ASTN1: variants seen among roughly 807,000 people sequenced by gnomAD.
ASTN1 encodes astrotactin-1.
In ASTN1, 41 loss-of-function variants were observed where a neutral mutation model predicts 140.7. The ratio of observed to expected loss-of-function variants is 0.29; its 90% confidence interval spans 0.23 to 0.38. The LOEUF is 0.38. Among genes scored for constraint, ASTN1 ranks in the 10% least tolerant of loss-of-function variants. ASTN1 has a pLI of 1.00. For synonymous variants in ASTN1, 640 were observed against 652.2 expected (o/e 0.98, Z 0.29); for missense variants, 1,479 against 1,678.8 (o/e 0.88, Z 2.08).
intron 21 of ASTN1, among the ~76,000 whole-genome samples, chr1:176,870,096 A>G (rs1668277647): frequency 6.6e-6 from 1 of 152,126 alleles, no homozygotes; most frequent in African/African-American, 2.4e-5. Flanking sequence ...TAGACTTGGC[A>G]TTTTTTTCTT....
intron 3 of ASTN1, among the ~76,000 whole-genome samples, chr1:177,031,273 T>C (rs1300012150): frequency 6.6e-6 from 1 of 152,208 alleles, no homozygotes; most frequent in Non-Finnish European, 1.5e-5. Flanking sequence ...CAGATTTCTT[T>C]ATTTTTGGTC....
chr1:176,967,568 T>C (rs541463070), intron 8 of ASTN1, among the ~76,000 whole-genome samples: 1 of 152,330 alleles, frequency 6.6e-6, no homozygotes, highest in Non-Finnish European at 1.5e-5. Flanking sequence ...ATACAATGTG[T>C]AATTATAGTT....
chr1:177,136,501 C>T (rs1305407878), intron 1 of ASTN1, among the ~76,000 whole-genome samples: 2 of 151,834 alleles, frequency 1.3e-5, no homozygotes, highest in African/African-American at 4.8e-5. Context: ...TACAGGTGCA[C>T]CCCACAACCG....
Position 176,891,836 on chromosome 1 carries a change from A to T in ASTN1, c.2940+2726T>A, listed in dbSNP as rs767060630. On this transcript the variant is annotated intron_variant, in intron 17 of 22. Transcript: ENST00000361833. Reference sequence around the variant, plus strand: ...AAACAAAAACAAACAACAAAAACATACAAACAACAACAATAAAAAAAACAA... The same window carrying T: ...AAACAAAAACAAACAACAAAAACATTCAAACAACAACAATAAAAAAAACAA... Among the ~76,000 whole-genome samples the T allele has an allele frequency of 2.0e-5, 3 of 152,154 alleles. No homozygotes were observed. The East Asian group carries it at 5.8e-4, about 29-fold the overall frequency.
intron 16 of ASTN1, among the ~76,000 whole-genome samples, chr1:176,897,498 C>G (rs1669569069): frequency 6.6e-6 from 1 of 151,960 alleles, no homozygotes; most frequent in South Asian, 2.1e-4. Flanking sequence ...TTGTTCGAGT[C>G]TGGGAAAAGA....
intron 1 of ASTN1, among the ~76,000 whole-genome samples, chr1:177,131,022 G>T (rs1369999950): frequency 6.6e-6 from 1 of 152,138 alleles, no homozygotes; most frequent in Non-Finnish European, 1.5e-5. Flanking sequence ...CTATTAAAAA[G>T]CACCTTCCCC....
At chr1:177,034,006 G>T (rs959225898) in intron 2 of ASTN1, among the ~76,000 whole-genome samples, 4 of 151,946 alleles carry the variant, frequency 2.6e-5, no homozygotes, top group African/African-American at 9.7e-5. Context: ...GTGCCAAATG[G>T]TTCTTCTCTC....
chr1:176,983,146 A>C (rs1009889242), intron 8 of ASTN1, among the ~76,000 whole-genome samples: 2 of 152,166 alleles, frequency 1.3e-5, no homozygotes, highest in Non-Finnish European at 2.9e-5. Flanking sequence ...GTGTGAGAAC[A>C]TGGTTTGTTT....
downstream of ASTN1, chr1:176,860,994 A>C (rs532388520): frequency 1.9e-4 from 159 of 816,090 alleles, no homozygotes; most frequent in Non-Finnish European, 2.2e-4. Flanking sequence ...AACCTTTAAA[A>C]CCTTAACAAG....
chr1:177,161,195 T>C lies in ASTN1; in HGVS notation c.283+3199A>G, dbSNP rs558474080. ...AATGCTTTCTATGTCAAGTCAGCCC[T>C]TTCTGCCTAGTTTTGAAGTGGAGAG... On this transcript the variant is annotated intron_variant, in intron 1 of 22. Coordinates refer to ENST00000361833, the MANE Select transcript of ASTN1 (RefSeq NM_004319.3). Among the ~76,000 whole-genome samples the C allele has an allele frequency of 2.0e-5, 3 of 152,258 alleles. No homozygotes were observed. In the South Asian group the frequency reaches 6.2e-4, roughly 32 times the overall value.
intron 8 of ASTN1, among the ~76,000 whole-genome samples, chr1:176,988,331 A>AAC (rs1310363769): frequency 1.3e-5 from 2 of 151,784 alleles, no homozygotes; most frequent in Non-Finnish European, 2.9e-5. Context: ...AAAAAAAAAA[A>AAC]AACCTTTCCT....
At chr1:176,962,318 C>T (rs532054349) in intron 9 of ASTN1, among the ~76,000 whole-genome samples, 3 of 152,228 alleles carry the variant, frequency 2.0e-5, no homozygotes, top group South Asian at 2.1e-4. Context: ...CTAGCTTTGG[C>T]CCTTCCCAAG....
intron 1 of ASTN1, among the ~76,000 whole-genome samples, chr1:177,123,773 A>G (rs906865227): frequency 6.6e-6 from 1 of 152,088 alleles, no homozygotes; most frequent in Admixed American, 6.6e-5. Flanking sequence ...AGCTGATTAC[A>G]TTTTGGCCAG....
intron 1 of ASTN1, among the ~76,000 whole-genome samples, chr1:177,149,184 A>ATATATATATTAAATATATATAGTG (rs1682870452): frequency 1.0e-5 from 1 of 98,040 alleles, no homozygotes; most frequent in Non-Finnish European, 1.7e-5. Context: ...TATATAGTGT[A>ATATATATATTAAATATATATAGTG]TATATATAGT....
intron 1 of ASTN1, among the ~76,000 whole-genome samples, chr1:177,110,857 G>A (rs1249005324): frequency 2.0e-5 from 3 of 152,176 alleles, no homozygotes; most frequent in Non-Finnish European, 2.9e-5. Flanking sequence ...CCAATTTCAG[G>A]TTACCTCTAA....
intron 2 of ASTN1, among the ~76,000 whole-genome samples, chr1:177,036,380 T>G (rs1051900151): frequency 6.6e-6 from 1 of 152,108 alleles, no homozygotes; most frequent in Non-Finnish European, 1.5e-5. Flanking sequence ...TTACCAGGAA[T>G]AAGCTTCAGC....
intron 1 of ASTN1, among the ~76,000 whole-genome samples, chr1:177,096,206 T>C (rs1011317402): frequency 6.6e-6 from 1 of 152,226 alleles, no homozygotes; most frequent in Non-Finnish European, 1.5e-5. Context: ...TCAGGTTAAA[T>C]AATACCTTGA....
intron 1 of ASTN1, among the ~76,000 whole-genome samples, chr1:177,095,616 G>A (rs575018007): frequency 1.3e-5 from 2 of 152,268 alleles, no homozygotes; most frequent in African/African-American, 4.8e-5. Flanking sequence ...CCTATATGAA[G>A]TGCATGAGCT....
chr1:176,975,458 C>A (rs2101870612), intron 8 of ASTN1, among the ~76,000 whole-genome samples: 1 of 152,348 alleles, frequency 6.6e-6, no homozygotes, highest in Admixed American at 6.5e-5. Context: ...AGAAAATATA[C>A]AAAGGCAGCA....
Sources: allele counts gnomAD v4.1 joint callset (sites outside exome capture counted in the v4.1 genomes callset), GRCh38; gene constraint gnomAD v4.1.1; transcripts MANE v1.5; gene names NCBI Gene and HGNC (gene_info 2026-07-23, HGNC 2026-07-21).